The following DUSP14 variants were observed in gnomAD, a reference collection of about 807,000 sequenced individuals.
The protein encoded by DUSP14 is dual specificity phosphatase 14, also known as dual specificity protein phosphatase 14.
DUSP14 carries 5 observed loss-of-function variants against 13.2 expected under a neutral mutation model. The observed-to-expected ratio is 0.38, with a 90% CI of 0.20 to 0.80. The LOEUF is 0.80. Among genes scored for constraint, DUSP14 ranks in the 30% least tolerant of loss-of-function variants. DUSP14 has a pLI of 0.44. For synonymous variants in DUSP14, 91 were observed against 103.4 expected, an observed-to-expected ratio of 0.88 and a Z score of 0.73; for missense variants, 185 against 264.0, an observed-to-expected ratio of 0.70 and a Z score of 2.07.
At chr17:37,510,995 A>C (rs953661147) in intron 2 of DUSP14, among the ~76,000 whole-genome samples, 1 of 48,508 alleles carries the variant, frequency 2.1e-5, no homozygotes, top group Non-Finnish European at 3.7e-5. Flanking sequence ...CAATATATAT[A>C]TAATATATAT....
intron 2 of DUSP14, among the ~76,000 whole-genome samples, chr17:37,511,938 C>CCATTTT: frequency 2.6e-5 from 1 of 38,256 alleles, no homozygotes; most frequent in East Asian, 9.4e-4. Context: ...CCCCACCCCA[C>CCATTTT]TTTTTTTTTT....
chr17:37,489,339 G>A (rs2054008913), upstream of DUSP14, among the ~76,000 whole-genome samples: 1 of 152,062 alleles, frequency 6.6e-6, no homozygotes, highest in Non-Finnish European at 1.5e-5. Flanking sequence ...CGGGCGCCAC[G>A]GCTGCCCGTA....
rs1163777756 is a variant in DUSP14, at chr17:37,511,143, C to G, written c.-93+379C>G. On this transcript the variant is annotated intron_variant, in intron 2 of 2. Transcript: ENST00000617516. The stretch of plus-strand genomic sequence containing the variant: ...TAAGGTGAAGTTATTTAGCCACACC[C>G]AAGGTCAGGTCAGGTAAAATGCTCA... Among the ~76,000 whole-genome samples the G allele has an allele frequency of 2.6e-5, 4 of 152,186 alleles. No homozygotes were observed. The East Asian group carries it at 7.7e-4, about 29-fold the overall frequency.
At chr17:37,503,180 T>G (rs906275238) in intron 1 of DUSP14, among the ~76,000 whole-genome samples, 4 of 152,174 alleles carry the variant, frequency 2.6e-5, no homozygotes, top group African/African-American at 9.7e-5. Context: ...ATCCCAGCAC[T>G]TTGGGAGGCC....
chr17:37,509,285 A>G (rs1393562217), intron 1 of DUSP14, among the ~76,000 whole-genome samples: 328 of 27,950 alleles, frequency 0.012, 3 homozygotes, highest in Middle Eastern at 0.019. Context: ...ATATATATAT[A>G]TATATATATA....
upstream of DUSP14, chr17:37,489,876 C>T (rs1489813019): frequency 6.8e-6 from 1 of 147,776 alleles, no homozygotes; most frequent in Non-Finnish European, 1.5e-5. Flanking sequence ...AGGCGGCGCG[C>T]GCGGCGCCCA....
At chr17:37,509,087 C>CAAA (rs71135734) in intron 1 of DUSP14, among the ~76,000 whole-genome samples, 3 of 31,236 alleles carry the variant, frequency 9.6e-5, no homozygotes, top group Non-Finnish European at 1.6e-4. Context: ...GAAGCCAGAC[C>CAAA]AAAAAAAAAA....
chr17:37,500,900 T>C (rs1597969723), intron 1 of DUSP14, among the ~76,000 whole-genome samples: 1 of 152,204 alleles, frequency 6.6e-6, no homozygotes, highest in East Asian at 1.9e-4. Context: ...CCTGACCTTA[T>C]GTTCCTTAAC....
intron 1 of DUSP14, among the ~76,000 whole-genome samples, chr17:37,496,545 G>A (rs1054742092): frequency 2.0e-5 from 3 of 152,038 alleles, no homozygotes; most frequent in East Asian, 1.9e-4. Context: ...CATGAGGTCC[G>A]GAGTTCGAAA....
rs2054196467 is a variant in DUSP14 at position 37,512,517 on chromosome 17, C to T, written c.245C>T (p.Pro82Leu). ...EYVKVPLADMPHAPIGLYFDT... is the reference protein window; with the variant it reads ...EYVKVPLADMLHAPIGLYFDT... ...GTTAAAGTGCCTCTGGCTGACATGC[C>T]GCATGCCCCCATTGGACTGTACTTT... Residue 82 changes from proline to leucine, a missense_variant, in exon 3 of 3, where the codon CCG becomes CTG. Coordinates refer to ENST00000617516, the MANE Select transcript of DUSP14 (RefSeq NM_007026.4). This position sits in a 1 kb window ranked among gnomAD's most constrained non-coding sequence, Gnocchi z 4.8. The T allele has an allele frequency of 5.0e-6, 8 of 1,614,182 alleles. No homozygotes were observed. Among genetic ancestry groups the T allele is most frequent in the Non-Finnish European group, 6.8e-6 (8 of 1,180,036 alleles).
chr17:37,509,040 G>C (rs2054156312), intron 1 of DUSP14, among the ~76,000 whole-genome samples: 1 of 132,242 alleles, frequency 7.6e-6, no homozygotes, highest in Non-Finnish European at 1.6e-5. Context: ...TGATAACCCA[G>C]CGTCATGGGT....
chr17:37,495,938 A>G (rs950169354), intron 1 of DUSP14, among the ~76,000 whole-genome samples: 4 of 152,158 alleles, frequency 2.6e-5, no homozygotes, highest in African/African-American at 7.2e-5. Flanking sequence ...GATTACAGGC[A>G]TGAGCCACCG....
intron 1 of DUSP14, among the ~76,000 whole-genome samples, chr17:37,496,123 A>G (rs762839159): frequency 2.0e-4 from 31 of 152,224 alleles, no homozygotes; most frequent in Admixed American, 1.4e-3. Context: ...TTTCATTATA[A>G]AACACAAAAC....
chr17:37,510,615 C>T (rs1282138901), intron 1 of DUSP14, 62 bp from the exon 2 acceptor site: 1 of 152,226 alleles, frequency 6.6e-6, no homozygotes, highest in Non-Finnish European at 1.5e-5. Flanking sequence ...TAGTGAAAGT[C>T]GGTGAGGAAT....
At position 37,512,637 on chromosome 17, in the gene DUSP14, G is replaced by GT; in HGVS notation, c.366dup (p.Ile123TyrfsTer50). ...GGGGTGAGCCGCTCAGCCACGCTGT[G>GT]TATCGCGTACCTGATGAAATTCCAC... is the stretch of plus-strand genomic sequence containing the variant. On this transcript the variant is annotated frameshift_variant, in exon 3 of 3. Coordinates refer to ENST00000617516, the MANE Select transcript of DUSP14 (RefSeq NM_007026.4). LOFTEE classifies it high-confidence loss of function. The surrounding 1 kb of genome is among the most constrained non-coding windows in gnomAD (Gnocchi z 4.8). The GT allele has an allele frequency of 6.2e-7, 1 of 1,613,482 alleles. No homozygotes were observed. Among genetic ancestry groups the GT allele is most frequent in the Non-Finnish European group, 8.5e-7 (1 of 1,179,462 alleles).
At chr17:37,504,534 A>G (rs1050704839) in intron 1 of DUSP14, among the ~76,000 whole-genome samples, 9 of 152,334 alleles carry the variant, frequency 5.9e-5, no homozygotes, top group Admixed American at 4.6e-4. Context: ...ATGTTTTACC[A>G]CAATTGCTAA....
rs1369583583 is a variant in DUSP14, at chr17:37,512,829, A to G, written c.557A>G (p.Glu186Gly). ...TATGGCATAGTTCCCGACGTCTATG[A>G]GAAGGAGTCCCGACACCTGATGCCT... is the stretch of plus-strand genomic sequence containing the variant. ...TPYGIVPDVY[E>G]KESRHLMPYW... Residue 186 changes from glutamate to glycine, a missense_variant, in exon 3 of 3, where the codon GAG (glutamate) becomes GGG (glycine). Transcript: ENST00000617516. The surrounding 1 kb of genome is among the most constrained non-coding windows in gnomAD (Gnocchi z 4.8). The G allele has an allele frequency of 6.2e-7, 1 of 1,610,582 alleles. No individual in the cohort carries two copies. Among genetic ancestry groups the G allele is most frequent in the Admixed American group, 1.7e-5 (1 of 59,972 alleles).
At chr17:37,499,590 G>A (rs973914510) in intron 1 of DUSP14, among the ~76,000 whole-genome samples, 7 of 152,114 alleles carry the variant, frequency 4.6e-5, no homozygotes, top group African/African-American at 1.7e-4. Flanking sequence ...GTGAACTGGC[G>A]CGATCTCGGC....
At chr17:37,493,714 T>A (rs2054044568) in intron 1 of DUSP14, among the ~76,000 whole-genome samples, 1 of 150,434 alleles carries the variant, frequency 6.6e-6, no homozygotes, top group Non-Finnish European at 1.5e-5. Context: ...TTACAGGAAA[T>A]TTTAAATATG....
Sources: gnomAD v4.1 joint callset for allele counts (sites outside exome capture counted in the v4.1 genomes callset) on GRCh38, gnomAD v4.1.1 for gene constraint, Gnocchi (gnomAD v3.1) non-coding constraint, MANE v1.5 for transcripts, NCBI Gene and HGNC (gene_info 2026-07-23, HGNC 2026-07-21) for gene names.